Variants in SLC20A2 observed in about 807,000 individuals in gnomAD.
SLC20A2 encodes sodium-dependent phosphate transporter 2.
In SLC20A2, 30 loss-of-function variants were observed where a neutral mutation model predicts 61.0. The observed-to-expected ratio is 0.49, with a 90% CI of 0.37 to 0.67. SLC20A2 has a LOEUF of 0.67. Among genes scored for constraint, SLC20A2 ranks in the 30% least tolerant of loss-of-function variants. The pLI, the probability that SLC20A2 is intolerant of heterozygous loss-of-function variation, is 0.00. For missense variants in SLC20A2, 626 were observed against 866.4 expected, an observed-to-expected ratio of 0.72 and a Z score of 3.48; for synonymous variants, 351 against 353.3, an observed-to-expected ratio of 0.99 and a Z score of 0.07.
Position 42,437,425 on chromosome 8 carries a change from T to C in SLC20A2, c.1087A>G (p.Ile363Val). The change falls in exon 8 of 11, where the codon ATC (isoleucine) becomes GTC (valine). Residue 363 changes from isoleucine to valine, a missense_variant. Ile to Val is a conservative substitution (Grantham distance 29, BLOSUM62 3). Coordinates refer to ENST00000520262, the MANE Select transcript of SLC20A2 (RefSeq NM_001257180.2). This position sits in a 1 kb window ranked among gnomAD's most constrained non-coding sequence, Gnocchi z 6.4. ...GGCTTCTCCTCGGGGCCCCTGTCGA[T>C]GTGGATTTTGTGCAGCAGATCTTTG... ...LYKDLLHKIHIDRGPEEKPAQ... is the reference protein window; with the variant it reads ...LYKDLLHKIHVDRGPEEKPAQ... The C allele has an allele frequency of 6.2e-7, 1 of 1,614,054 alleles. No homozygotes were observed. The highest frequency in any genetic ancestry group is 1.1e-5 in the South Asian group (1 of 91,068).
chr8:42,536,094 C>T (rs1812678417), intron 1 of SLC20A2, among the ~76,000 whole-genome samples: 1 of 152,168 alleles, frequency 6.6e-6, no homozygotes. Flanking sequence ...TGGATAAAAA[C>T]TACAATATAG....
intron 2 of SLC20A2, among the ~76,000 whole-genome samples, chr8:42,470,392 G>GT (rs1362155281): frequency 1.3e-5 from 2 of 151,408 alleles, no homozygotes; most frequent in African/African-American, 2.4e-5. Context: ...TAATTTTTTA[G>GT]TTTTTTTGTA....
intron 6 of SLC20A2, among the ~76,000 whole-genome samples, chr8:42,441,225 G>A (rs368254303): frequency 1.4e-5 from 2 of 146,170 alleles, no homozygotes; most frequent in Middle Eastern, 3.6e-3. Flanking sequence ...CGTGATCTCC[G>A]CTCACTGTAA....
chr8:42,426,158 T>C (rs1178759881), intron 10 of SLC20A2, among the ~76,000 whole-genome samples: 2 of 152,222 alleles, frequency 1.3e-5, no homozygotes, highest in Admixed American at 1.3e-4. Flanking sequence ...CATTATAGTA[T>C]ATATATCAAT....
intron 1 of SLC20A2, among the ~76,000 whole-genome samples, chr8:42,532,407 GATAA>G (rs1812392161): frequency 6.6e-6 from 1 of 152,146 alleles, no homozygotes; most frequent in Admixed American, 6.5e-5. Flanking sequence ...TCAAGGGAGT[GATAA>G]ATGTCACAAA....
intron 2 of SLC20A2, among the ~76,000 whole-genome samples, chr8:42,468,680 G>GCCATTCC: frequency 6.6e-6 from 1 of 151,812 alleles, no homozygotes; most frequent in East Asian, 1.9e-4. Flanking sequence ...CTCAGAGGCC[G>GCCATTCC]CCATTCCCGT....
chr8:42,490,236 G>A (rs961653033), intron 1 of SLC20A2, among the ~76,000 whole-genome samples: 4 of 152,156 alleles, frequency 2.6e-5, no homozygotes, highest in Admixed American at 2.0e-4. Context: ...GTATGATACT[G>A]TCAGGCTTTT....
chr8:42,533,847 C>T lies in SLC20A2; in HGVS notation c.-265+7974G>A, dbSNP rs990896276. Reference sequence around the variant, plus strand: ...CTAATTTTTGTATTTCTAGTGGAGACGGGGGTTTCACTATGTTGGTCAGGC... The same window carrying T: ...CTAATTTTTGTATTTCTAGTGGAGATGGGGGTTTCACTATGTTGGTCAGGC... On this transcript the variant is annotated intron_variant, in intron 1 of 10. Transcript: ENST00000342228. Among the ~76,000 whole-genome samples the T allele has an allele frequency of 6.0e-5, 9 of 150,708 alleles. No homozygotes were observed. The East Asian group carries it at 6.0e-4, about 10-fold the overall frequency.
At chr8:42,441,787 T>G (rs1468124655) in intron 6 of SLC20A2, among the ~76,000 whole-genome samples, 2 of 152,012 alleles carry the variant, frequency 1.3e-5, no homozygotes, top group East Asian at 3.9e-4. Flanking sequence ...ATTTTTTAAT[T>G]GAGTTATTTG....
chr8:42,520,320 T>C (rs1158501267), intron 1 of SLC20A2, among the ~76,000 whole-genome samples: 1 of 151,772 alleles, frequency 6.6e-6, no homozygotes, highest in Non-Finnish European at 1.5e-5. Flanking sequence ...AGCCTCTTTA[T>C]GCCCATCTTT....
chr8:42,447,294 T>C (rs1372257124), intron 5 of SLC20A2, among the ~76,000 whole-genome samples: 1 of 150,882 alleles, frequency 6.6e-6, no homozygotes, highest in Non-Finnish European at 1.5e-5. Context: ...TGCAGTGAGC[T>C]ATGATAGCGC....
intron 1 of SLC20A2, among the ~76,000 whole-genome samples, chr8:42,506,464 G>A (rs964985327): frequency 1.3e-5 from 2 of 152,160 alleles, no homozygotes; most frequent in Admixed American, 6.5e-5. Context: ...TAAACGGCCG[G>A]GGCCATTATG....
chr8:42,437,607 C>A lies in SLC20A2; in HGVS notation c.935-30G>T. The A allele has an allele frequency of 6.7e-7, 1 of 1,495,448 alleles. No individual in the cohort carries two copies. The highest frequency in any genetic ancestry group is 9.0e-7 in the Non-Finnish European group (1 of 1,112,974). 92.6% of individuals were successfully genotyped at this position (1,495,448 alleles called of 1,614,324 possible). ...AAAGGGTTAGAGAAGGTCTCATTTT[C>A]CAGTCTTTTTTTTTTTTTTCTTTTC... On this transcript the variant is annotated intron_variant, in intron 7 of 10. Coordinates refer to ENST00000520262, the MANE Select transcript of SLC20A2 (RefSeq NM_001257180.2). The surrounding 1 kb of genome is among the most constrained non-coding windows in gnomAD (Gnocchi z 6.4).
At chr8:42,474,995 C>T (rs965238100) in intron 1 of SLC20A2, among the ~76,000 whole-genome samples, 4 of 151,968 alleles carry the variant, frequency 2.6e-5, no homozygotes, top group African/African-American at 4.8e-5. Context: ...GAGGCAGGCC[C>T]GGGTGAGGGG....
intron 1 of SLC20A2, chr8:42,540,886 T>C (rs1813070557): frequency 6.6e-6 from 1 of 152,170 alleles, no homozygotes; most frequent in South Asian, 2.1e-4. Flanking sequence ...CACTACACAA[T>C]TAAATAAAAA....
chr8:42,524,150 C>G (rs1430293625), intron 1 of SLC20A2, among the ~76,000 whole-genome samples: 2 of 152,254 alleles, frequency 1.3e-5, no homozygotes, highest in East Asian at 3.9e-4. Flanking sequence ...TGTATTTTCA[C>G]TAAAGCCACA....
chr8:42,474,702 G>T (rs1807918270), intron 1 of SLC20A2, among the ~76,000 whole-genome samples: 2 of 152,148 alleles, frequency 1.3e-5, no homozygotes, highest in African/African-American at 4.8e-5. Context: ...GAAATACGGC[G>T]ATGAACAAAA....
At chr8:42,476,345 C>T (rs1472083290) in intron 1 of SLC20A2, among the ~76,000 whole-genome samples, 1 of 151,936 alleles carries the variant, frequency 6.6e-6, no homozygotes, top group Non-Finnish European at 1.5e-5. Context: ...CCTCGTGATC[C>T]GCCCGCCTCA....
intron 5 of SLC20A2, among the ~76,000 whole-genome samples, chr8:42,455,269 G>T (rs867691288): frequency 0.013 from 1,835 of 136,440 alleles, 15 homozygotes; most frequent in Middle Eastern, 0.02. Flanking sequence ...GAGAGAGAGA[G>T]AGAGAGAGAG....
Sources: allele counts gnomAD v4.1 joint callset (sites outside exome capture counted in the v4.1 genomes callset), GRCh38; gene constraint gnomAD v4.1.1; non-coding constraint Gnocchi (gnomAD v3.1); transcripts MANE v1.5; gene names NCBI Gene and HGNC (gene_info 2026-07-23, HGNC 2026-07-21).